DACH1: variants seen among roughly 807,000 people sequenced by gnomAD.
The protein encoded by DACH1 is dachshund homolog 1.
A neutral mutation model predicts 54.2 loss-of-function variants in DACH1; 12 were observed. The observed-to-expected ratio is 0.22, with a 90% CI of 0.14 to 0.36. The LOEUF is 0.36. Among genes scored for constraint, DACH1 ranks in the 10% least tolerant of loss-of-function variants. The probability of loss-of-function intolerance (pLI) is 1.00; values close to 1 mark genes in which losing one functional copy is unlikely to be tolerated. For synonymous variants in DACH1, 386 were observed against 366.2 expected (o/e 1.05, Z -0.62); for missense variants, 805 against 929.8 (o/e 0.87, Z 1.75).
intron 2 of DACH1, among the ~76,000 whole-genome samples, chr13:71,656,457 A>G (rs1449509640): frequency 3.3e-5 from 5 of 152,240 alleles, no homozygotes; most frequent in African/African-American, 1.2e-4. Context: ...AAAACAGCTA[A>G]CTAAACTGCA....
intron 1 of DACH1, among the ~76,000 whole-genome samples, chr13:71,811,969 A>C (rs1406624347): frequency 1.3e-5 from 2 of 152,230 alleles, no homozygotes; most frequent in East Asian, 3.9e-4. Context: ...CTAGTACTTT[A>C]CTTTTTTTCT....
rs149190257 is a variant in DACH1, at chr13:71,780,585, G to A, written c.848+85337C>T. 1.6e-4 allele frequency among the ~76,000 whole-genome samples: 25 copies of A among 151,774 alleles called. No homozygotes were observed. The East Asian group carries it at 4.7e-3, about 28-fold the overall frequency. Reference sequence around the variant, plus strand: ...CTCTTGAACCTGGGAGACGGAGGTTGCAGTGAGCCAAGACTACGCCACTGC... The same window carrying A: ...CTCTTGAACCTGGGAGACGGAGGTTACAGTGAGCCAAGACTACGCCACTGC... On this transcript the variant is annotated intron_variant, in intron 1 of 10. Coordinates refer to ENST00000613252, the MANE Select transcript of DACH1 (RefSeq NM_080759.6).
chr13:71,766,176 A>G (rs951528771), intron 1 of DACH1, among the ~76,000 whole-genome samples: 5 of 152,118 alleles, frequency 3.3e-5, no homozygotes, highest in South Asian at 4.2e-4. Flanking sequence ...GTGAGCCACC[A>G]CGCCTGGCCT....
At chr13:71,848,464 T>C (rs1426651179) in intron 1 of DACH1, among the ~76,000 whole-genome samples, 1 of 152,152 alleles carries the variant, frequency 6.6e-6, no homozygotes, top group African/African-American at 2.4e-5. Flanking sequence ...CAAAAATAGA[T>C]TTTTCTTCGT....
At chr13:71,718,913 T>C (rs1398031434) in intron 1 of DACH1, among the ~76,000 whole-genome samples, 1 of 152,186 alleles carries the variant, frequency 6.6e-6, no homozygotes, top group Non-Finnish European at 1.5e-5. Flanking sequence ...TTATAAACCA[T>C]CCTACCCATT....
chr13:71,608,474 A>G (rs1243581766), intron 3 of DACH1, among the ~76,000 whole-genome samples: 3 of 152,034 alleles, frequency 2.0e-5, no homozygotes, highest in African/African-American at 7.2e-5. Flanking sequence ...AGTCTGGTGA[A>G]GGTTTCACTC....
At chr13:71,731,670 A>C (rs533951207) in intron 1 of DACH1, among the ~76,000 whole-genome samples, 2 of 152,158 alleles carry the variant, frequency 1.3e-5, no homozygotes, top group Non-Finnish European at 2.9e-5. Flanking sequence ...CAAATCGTAG[A>C]CTAGACTCCG....
intron 1 of DACH1, among the ~76,000 whole-genome samples, chr13:71,788,754 CT>C (rs1886712064): frequency 6.7e-6 from 1 of 149,948 alleles, no homozygotes; most frequent in Non-Finnish European, 1.5e-5. Flanking sequence ...GAACTTCAAC[CT>C]TTTTTCACAG....
intron 3 of DACH1, among the ~76,000 whole-genome samples, chr13:71,609,617 C>T (rs967739907): frequency 6.6e-6 from 1 of 152,162 alleles, no homozygotes; most frequent in East Asian, 1.9e-4. Context: ...CCTCCACTCC[C>T]CAGGTTCAAG....
chr13:71,709,841 C>A (rs895955123), intron 1 of DACH1, among the ~76,000 whole-genome samples: 3 of 152,096 alleles, frequency 2.0e-5, no homozygotes, highest in Non-Finnish European at 4.4e-5. Flanking sequence ...AATAAATACA[C>A]CCACACACAT....
Position 71,519,883 on chromosome 13 carries a change from G to GTGTATATATATATATA in DACH1, c.1571-30736_1571-30735insTATATATATATATACA, listed in dbSNP as rs552808622. ...AGATGTTTGTGTCCAAACCAAAGTA[G>GTGTATATATATATATA]TATATATATATATATATATATATAT... On this transcript the variant is annotated intron_variant, in intron 6 of 10. Coordinates refer to ENST00000613252, the MANE Select transcript of DACH1 (RefSeq NM_080759.6). 2.1e-3 allele frequency among the ~76,000 whole-genome samples: 61 copies of GTGTATATATATATATA among 29,336 alleles called. 10 individuals are homozygous for GTGTATATATATATATA. Among genetic ancestry groups the GTGTATATATATATATA allele is most frequent in the Non-Finnish European group, 4.1e-3 (42 of 10,170 alleles). 19.2% of individuals were successfully genotyped at this position (29,336 alleles called of 152,430 possible).
intron 1 of DACH1, among the ~76,000 whole-genome samples, chr13:71,713,859 TATA>T (rs1385395466): frequency 6.6e-6 from 1 of 152,044 alleles, no homozygotes; most frequent in Non-Finnish European, 1.5e-5. Flanking sequence ...ATTAGACAAA[TATA>T]ATTTCTAATA....
intron 1 of DACH1, among the ~76,000 whole-genome samples, chr13:71,793,829 T>C (rs1370350681): frequency 3.3e-5 from 5 of 152,166 alleles, no homozygotes; most frequent in Non-Finnish European, 7.3e-5. Context: ...GCCTAGCCGG[T>C]AATCTCTTTT....
intron 1 of DACH1, among the ~76,000 whole-genome samples, chr13:71,700,264 A>C (rs2138747474): frequency 6.6e-6 from 1 of 152,310 alleles, no homozygotes; most frequent in African/African-American, 2.4e-5. Context: ...CCTGCTGTTA[A>C]GAGAGCAAGC....
In DACH1 at chr13:71,519,883, GTATATATATATATA is replaced by G. The variant is rs57190375; in HGVS notation, c.1571-30749_1571-30736del. On this transcript the variant is annotated intron_variant, in intron 6 of 10. Coordinates refer to ENST00000613252, the MANE Select transcript of DACH1 (RefSeq NM_080759.6). ...AGATGTTTGTGTCCAAACCAAAGTA[GTATATATATATATA>G]TATATATATATCCTAACTAACATAG... Among the ~76,000 whole-genome samples the G allele has an allele frequency of 1.8e-3, 53 of 29,330 alleles. 4 individuals carry two copies. In the Admixed American group the frequency reaches 0.024, roughly 13 times the overall value. The allele number at this position is 29,330 out of a possible 152,430, so 19.2% of individuals were successfully genotyped here. A position where few individuals can be genotyped will look rare whatever the true frequency, so the allele number is the denominator to read the frequency against.
At chr13:71,552,838 TATATAGAGAG>T (rs1566335712) in intron 6 of DACH1, among the ~76,000 whole-genome samples, 12 of 21,624 alleles carry the variant, frequency 5.5e-4, no homozygotes, top group South Asian at 1.8e-3. Context: ...TATATATATA[TATATAGAGAG>T]AGAGAGAGAG....
intron 6 of DACH1, among the ~76,000 whole-genome samples, chr13:71,554,374 T>C (rs1380765599): frequency 6.6e-6 from 1 of 152,158 alleles, no homozygotes; most frequent in African/African-American, 2.4e-5. Flanking sequence ...TAAAAATTTA[T>C]TTGTCATTAT....
intron 6 of DACH1, among the ~76,000 whole-genome samples, chr13:71,533,850 A>C (rs2138312606): frequency 6.6e-6 from 1 of 152,064 alleles, no homozygotes; most frequent in East Asian, 1.9e-4. Context: ...TAGCATCAGT[A>C]TGTATTTTTT....
At chr13:71,514,141 C>A (rs771734263) in intron 6 of DACH1, among the ~76,000 whole-genome samples, 104 of 151,976 alleles carry the variant, frequency 6.8e-4, no homozygotes, top group Admixed American at 1.1e-3. Flanking sequence ...CTCCTTTGAT[C>A]ACTTGATATA....
Sources: gnomAD v4.1 joint callset for allele counts (sites outside exome capture counted in the v4.1 genomes callset) on GRCh38, gnomAD v4.1.1 for gene constraint, MANE v1.5 for transcripts, NCBI Gene and HGNC (gene_info 2026-07-23, HGNC 2026-07-21) for gene names.